MYO3B: variants seen among roughly 807,000 people sequenced by gnomAD.
MYO3B encodes myosin IIIB.
Under a neutral mutation model 174.6 loss-of-function variants are expected in MYO3B, and 156 were observed. That is an observed-to-expected ratio of 0.89 (90% CI 0.78 to 1.02). MYO3B has a LOEUF of 1.02. MYO3B is among the 50% of genes least tolerant of loss of function. The pLI is 0.00. For synonymous variants in MYO3B, 563 were observed against 569.1 expected, an observed-to-expected ratio of 0.99 and a Z score of 0.15; for missense variants, 1,632 against 1,639.4, an observed-to-expected ratio of 1.00 and a Z score of 0.08.
intron 30 of MYO3B, among the ~76,000 whole-genome samples, chr2:170,521,322 T>C (rs911089996): frequency 1.1e-4 from 17 of 152,190 alleles, no homozygotes; most frequent in African/African-American, 3.6e-4. Flanking sequence ...AAGTTTACAA[T>C]TTCTAATGTG....
chr2:170,188,770 C>G (rs186619719), intron 1 of MYO3B, among the ~76,000 whole-genome samples: 1 of 152,046 alleles, frequency 6.6e-6, no homozygotes, highest in Non-Finnish European at 1.5e-5. Flanking sequence ...AACTTCATCT[C>G]CCTGCTTTTT....
chr2:170,453,445 CACACACACGA>C (rs767252933), intron 23 of MYO3B, among the ~76,000 whole-genome samples: 6,303 of 136,970 alleles, frequency 0.046, 158 homozygotes, highest in East Asian at 0.074. Flanking sequence ...CACACACACA[CACACACACGA>C]GAGAGAGAGA....
intron 28 of MYO3B, among the ~76,000 whole-genome samples, chr2:170,509,013 T>TG (rs201532041): frequency 5.8e-5 from 8 of 136,960 alleles, no homozygotes; most frequent in Non-Finnish European, 9.2e-5. Flanking sequence ...TCAACTTCAC[T>TG]GGGGGGGAAA....
chr2:170,441,080 G>A (rs111261361), intron 22 of MYO3B, among the ~76,000 whole-genome samples: 11,082 of 152,216 alleles, frequency 0.073, 485 homozygotes, highest in Middle Eastern at 0.14. Context: ...GATTACAGGC[G>A]TGAGCCACCT....
At chr2:170,574,665 T>TC (rs750872048) in intron 32 of MYO3B, among the ~76,000 whole-genome samples, 2 of 152,172 alleles carry the variant, frequency 1.3e-5, no homozygotes, top group African/African-American at 2.4e-5. Flanking sequence ...GAGTTGTTTT[T>TC]CCCCCCTCAG....
At chr2:170,470,306 G>C (rs780471423) in intron 25 of MYO3B, among the ~76,000 whole-genome samples, 1 of 152,004 alleles carries the variant, frequency 6.6e-6, no homozygotes, top group South Asian at 2.1e-4. Flanking sequence ...ACTTCCATCT[G>C]TATGGATTTG....
intron 25 of MYO3B, among the ~76,000 whole-genome samples, chr2:170,477,116 AT>A (rs1685363958): frequency 6.6e-6 from 1 of 151,842 alleles, no homozygotes; most frequent in Non-Finnish European, 1.5e-5. Flanking sequence ...GACCATTCTC[AT>A]TTTTCCCCAC....
At chr2:170,469,641 C>G (rs192332019) in intron 25 of MYO3B, among the ~76,000 whole-genome samples, 1 of 152,122 alleles carries the variant, frequency 6.6e-6, no homozygotes, top group Admixed American at 6.5e-5. Context: ...TCCTCACTTC[C>G]TTTAAATAAT....
At chr2:170,461,229 C>A (rs775308558) in intron 23 of MYO3B, among the ~76,000 whole-genome samples, 2 of 152,074 alleles carry the variant, frequency 1.3e-5, no homozygotes, top group Non-Finnish European at 2.9e-5. Flanking sequence ...AATCCCAGCA[C>A]TTTGGGAGGC....
chr2:170,390,211 G>T (rs1436052249), intron 14 of MYO3B, among the ~76,000 whole-genome samples: 1 of 152,236 alleles, frequency 6.6e-6, no homozygotes, highest in African/African-American at 2.4e-5. Flanking sequence ...GGCCAAGGCA[G>T]GAAGATAGCT....
chr2:170,371,618 G>A (rs556504677), intron 9 of MYO3B, among the ~76,000 whole-genome samples: 1 of 150,026 alleles, frequency 6.7e-6, no homozygotes, highest in East Asian at 2.0e-4. Context: ...AGCCCACCAG[G>A]AAAAACTCTC....
intron 32 of MYO3B, among the ~76,000 whole-genome samples, chr2:170,600,937 A>T (rs1214971672): frequency 1.2e-4 from 18 of 152,230 alleles, no homozygotes; most frequent in Admixed American, 1.1e-3. Flanking sequence ...GGGCTATGCG[A>T]AATTTCTTAA....
At chr2:170,234,245 A>G (rs927724210) in intron 6 of MYO3B, among the ~76,000 whole-genome samples, 1 of 151,992 alleles carries the variant, frequency 6.6e-6, no homozygotes, top group East Asian at 1.9e-4. Context: ...TCATGCTGCT[A>G]TAACAGATTA....
intron 30 of MYO3B, among the ~76,000 whole-genome samples, chr2:170,528,385 T>C (rs1408567888): frequency 6.6e-6 from 1 of 152,166 alleles, no homozygotes; most frequent in African/African-American, 2.4e-5. Context: ...GCCTGCCATG[T>C]GATCCACACT....
intron 32 of MYO3B, among the ~76,000 whole-genome samples, chr2:170,628,470 G>A (rs1239053437): frequency 1.3e-5 from 2 of 152,322 alleles, no homozygotes; most frequent in East Asian, 3.9e-4. Flanking sequence ...CTGTGAAAGG[G>A]AATTCCCTGA....
intron 32 of MYO3B, among the ~76,000 whole-genome samples, chr2:170,556,525 A>C (rs1177510800): frequency 3.5e-5 from 5 of 141,624 alleles, no homozygotes; most frequent in African/African-American, 1.4e-4. Flanking sequence ...TTGGATTTTT[A>C]CTTTTTTTTT....
chr2:170,652,770 C>T (rs1699092251), intron 34 of MYO3B, among the ~76,000 whole-genome samples: 2 of 152,150 alleles, frequency 1.3e-5, no homozygotes, highest in South Asian at 2.1e-4. Flanking sequence ...ACTGGACCCA[C>T]TATCAGTGCA....
Position 170,214,403 on chromosome 2 carries a change from G to A in MYO3B, c.346G>A (p.Glu116Lys). Residue 116 changes from glutamate to lysine, a missense_variant, in exon 4 of 35, where the codon GAG becomes AAG. Glu to Lys is a moderately conservative substitution (Grantham distance 56). Coordinates refer to ENST00000408978, the MANE Select transcript of MYO3B (RefSeq NM_138995.5). ...LELCNGGSVT[E>K]LVKGLLRCGQ... ...GCTGTGTAATGGGGGCTCAGTCACTGAGCTTGTCAAAGGTCTACTCAGATG... is the reference window on the plus strand; with the variant it reads ...GCTGTGTAATGGGGGCTCAGTCACTAAGCTTGTCAAAGGTCTACTCAGATG... 2 of 1,614,074 alleles carry A rather than the reference G, an allele frequency of 1.2e-6. No individual in the cohort carries two copies. Among genetic ancestry groups the A allele is most frequent in the Non-Finnish European group, 1.7e-6 (2 of 1,179,980 alleles).
intron 32 of MYO3B, among the ~76,000 whole-genome samples, chr2:170,577,714 T>G (rs958448673): frequency 6.6e-6 from 1 of 152,206 alleles, no homozygotes. Flanking sequence ...ATCTTAAATT[T>G]TAGAAGATTC....
Sources: gnomAD v4.1 joint callset for allele counts (sites outside exome capture counted in the v4.1 genomes callset) on GRCh38, gnomAD v4.1.1 for gene constraint, MANE v1.5 for transcripts, NCBI Gene and HGNC (gene_info 2026-07-23, HGNC 2026-07-21) for gene names.